FHIT: variants seen among roughly 807,000 people sequenced by gnomAD.
FHIT encodes fragile histidine triad diadenosine triphosphatase.
Under a neutral mutation model 17.9 loss-of-function variants are expected in FHIT, and 19 were observed. The ratio of observed to expected loss-of-function variants is 1.06; its 90% CI spans 0.74 to 1.56. The LOEUF is 1.56. Among genes scored for constraint, FHIT ranks in the 40% most tolerant of loss-of-function variants. FHIT has a pLI of 0.00. For synonymous variants in FHIT, 81 were observed against 69.7 expected (o/e 1.16, Z -0.81); for missense variants, 248 against 189.2 (o/e 1.31, Z -1.82).
At chr3:60,981,917 A>G (rs901936372) in intron 3 of FHIT, among the ~76,000 whole-genome samples, 1 of 152,210 alleles carries the variant, frequency 6.6e-6, no homozygotes, top group Non-Finnish European at 1.5e-5. Flanking sequence ...CTTCTAATCC[A>G]TAAGAAAGAC....
intron 3 of FHIT, among the ~76,000 whole-genome samples, chr3:60,923,046 A>G (rs1707368043): frequency 6.6e-6 from 1 of 152,212 alleles, no homozygotes; most frequent in Non-Finnish European, 1.5e-5. Context: ...CAGCTCAACT[A>G]GTGTGGTAGA....
chr3:61,168,394 G>A (rs941523616), intron 2 of FHIT, among the ~76,000 whole-genome samples: 1 of 152,178 alleles, frequency 6.6e-6, no homozygotes, highest in African/African-American at 2.4e-5. Context: ...AAAAATGAGT[G>A]ACAAAAGTAT....
At chr3:60,358,048 G>C (rs112452539) in intron 5 of FHIT, among the ~76,000 whole-genome samples, 2,044 of 152,306 alleles carry the variant, frequency 0.013, 54 homozygotes, top group African/African-American at 0.046. Flanking sequence ...ATAGGCCTTA[G>C]CAATTTGTGT....
intron 7 of FHIT, among the ~76,000 whole-genome samples, chr3:59,995,910 G>A (rs773734307): frequency 3.9e-5 from 6 of 152,046 alleles, no homozygotes; most frequent in Admixed American, 6.6e-5. Context: ...TCTTCTCCAG[G>A]GTTTTCCTCG....
At chr3:60,246,332 G>A (rs1326661896) in intron 5 of FHIT, among the ~76,000 whole-genome samples, 2 of 152,038 alleles carry the variant, frequency 1.3e-5, no homozygotes, top group African/African-American at 4.8e-5. Flanking sequence ...TTCCAGGAGG[G>A]GAAAAATGTC....
intron 8 of FHIT, among the ~76,000 whole-genome samples, chr3:59,796,517 T>A (rs1396439722): frequency 6.6e-6 from 1 of 152,212 alleles, no homozygotes; most frequent in East Asian, 1.9e-4. Flanking sequence ...TCTGATTCAC[T>A]TCCTTACTCT....
At chr3:59,824,135 C>A (rs1268041192) in intron 8 of FHIT, among the ~76,000 whole-genome samples, 3 of 152,162 alleles carry the variant, frequency 2.0e-5, no homozygotes, top group Non-Finnish European at 4.4e-5. Context: ...TATACCTAAC[C>A]AAGAGGTGAA....
At chr3:59,794,030 A>C (rs969488255) in intron 8 of FHIT, among the ~76,000 whole-genome samples, 1 of 152,106 alleles carries the variant, frequency 6.6e-6, no homozygotes, top group Non-Finnish European at 1.5e-5. Flanking sequence ...CCACATACTC[A>C]GGCTATTTCT....
At chr3:60,341,574 G>T (rs1459986126) in intron 5 of FHIT, among the ~76,000 whole-genome samples, 6 of 151,804 alleles carry the variant, frequency 4.0e-5, no homozygotes, top group Admixed American at 1.3e-4. Context: ...ACCATTGGTT[G>T]CTTTTTCCTG....
chr3:60,294,884 C>T (rs949799208), intron 5 of FHIT, among the ~76,000 whole-genome samples: 1 of 152,152 alleles, frequency 6.6e-6, no homozygotes, highest in African/African-American at 2.4e-5. Context: ...GCAGAATAGC[C>T]TCCGTGGTAT....
intron 5 of FHIT, among the ~76,000 whole-genome samples, chr3:60,134,940 T>C (rs1277983381): frequency 2.7e-5 from 4 of 150,140 alleles, no homozygotes; most frequent in South Asian, 2.1e-4. Context: ...TCAATAAATA[T>C]GGAGTAGAGG....
intron 4 of FHIT, among the ~76,000 whole-genome samples, chr3:60,569,416 G>A (rs2037256259): frequency 6.6e-6 from 1 of 151,944 alleles, no homozygotes; most frequent in South Asian, 2.1e-4. Context: ...CAATTATTTT[G>A]CAAATTAGAT....
chr3:60,894,564 T>A (rs1029205633), intron 3 of FHIT, among the ~76,000 whole-genome samples: 5 of 152,118 alleles, frequency 3.3e-5, no homozygotes, highest in Non-Finnish European at 5.9e-5. Flanking sequence ...AAATGAGCTA[T>A]CTTGAAATGG....
intron 8 of FHIT, among the ~76,000 whole-genome samples, chr3:59,878,773 T>C (rs9842626): frequency 0.021 from 3,167 of 152,290 alleles, 101 homozygotes; most frequent in African/African-American, 0.072. Context: ...CATTCATTAC[T>C]CGATATTGAC....
At chr3:60,101,919 C>T (rs1402644832) in intron 5 of FHIT, among the ~76,000 whole-genome samples, 3 of 152,200 alleles carry the variant, frequency 2.0e-5, no homozygotes, top group African/African-American at 7.2e-5. Flanking sequence ...TGTTGCCTCT[C>T]GCTAGGATGT....
chr3:60,932,415 T>C (rs1365047052), intron 3 of FHIT, among the ~76,000 whole-genome samples: 1 of 152,130 alleles, frequency 6.6e-6, no homozygotes, highest in Non-Finnish European at 1.5e-5. Flanking sequence ...CTCTACAGAC[T>C]CATCTCCCGT....
intron 8 of FHIT, among the ~76,000 whole-genome samples, chr3:59,813,973 T>C (rs1408610550): frequency 6.6e-6 from 1 of 151,930 alleles, no homozygotes; most frequent in East Asian, 1.9e-4. Flanking sequence ...CCTGATGTCA[T>C]AGTTGTCTGT....
At chr3:61,108,822 G>A (rs978565655) in intron 2 of FHIT, among the ~76,000 whole-genome samples, 1 of 152,176 alleles carries the variant, frequency 6.6e-6, no homozygotes, top group East Asian at 1.9e-4. Flanking sequence ...ATGCACATAT[G>A]ATATGCCACT....
intron 5 of FHIT, among the ~76,000 whole-genome samples, chr3:60,218,796 G>T (rs1389509379): frequency 6.6e-6 from 1 of 152,044 alleles, no homozygotes; most frequent in African/African-American, 2.4e-5. Context: ...GCATCTGACA[G>T]CTAAGTAAGT....
Sources: allele counts gnomAD v4.1 joint callset (sites outside exome capture counted in the v4.1 genomes callset), GRCh38; gene constraint gnomAD v4.1.1; transcripts MANE v1.5; gene names NCBI Gene and HGNC (gene_info 2026-07-23, HGNC 2026-07-21).